The following CD247 variants were observed in gnomAD, a reference collection of about 807,000 sequenced individuals.
CD247 encodes the protein T-cell surface glycoprotein CD3 zeta chain.
CD247 carries 13 observed loss-of-function variants against 30.0 expected under a neutral mutation model. The observed-to-expected ratio is 0.43, with a 90% CI of 0.28 to 0.69. The LOEUF is 0.69. Ranked by LOEUF, CD247 falls within the 30% of genes least tolerant of loss-of-function variation. The pLI is 0.16. For missense variants in CD247, 193 were observed against 212.6 expected (o/e 0.91, Z 0.57); for synonymous variants, 72 against 80.0 (o/e 0.90, Z 0.53).
chr1:167,461,580 T>C (rs1653007379), intron 1 of CD247, among the ~76,000 whole-genome samples: 1 of 152,240 alleles, frequency 6.6e-6, no homozygotes, highest in African/African-American at 2.4e-5. Flanking sequence ...CCGGGCGTGG[T>C]GGCTCACGCC....
At chr1:167,493,037 CTTTTTTTTT>C (rs60850667) in intron 1 of CD247, among the ~76,000 whole-genome samples, 19 of 80,364 alleles carry the variant, frequency 2.4e-4, no homozygotes, top group African/African-American at 8.9e-4. Context: ...AATTTTTCTC[CTTTTTTTTT>C]TTTTTTTTTT....
intron 1 of CD247, among the ~76,000 whole-genome samples, chr1:167,449,149 C>CTTTTTTCTTTTTCTTTTTTTTTTTTTTT (rs1553229954): frequency 1.5e-5 from 1 of 66,420 alleles, no homozygotes; most frequent in African/African-American, 7.5e-5. Flanking sequence ...TTTTTCTTTT[C>CTTTTTTCTTTTTCTTTTTTTTTTTTTTT]TTTTTTTTTT....
In CD247 at chr1:167,461,003, G is replaced by T. The variant is rs147045744; in HGVS notation, c.59-20236C>A. Among the ~76,000 whole-genome samples, 292 of 152,340 alleles carry T rather than the reference G, an allele frequency of 1.9e-3. 3 individuals carry two copies. The Middle Eastern group carries it at 0.034, about 18-fold the overall frequency. ...GCAACCCTTGGTGTGCCCAGCCCACGCGCTGTGAGCATTCGCCTATGACGT... is the reference window on the plus strand; with the variant it reads ...GCAACCCTTGGTGTGCCCAGCCCACTCGCTGTGAGCATTCGCCTATGACGT... On this transcript the variant is annotated intron_variant, in intron 1 of 7. Coordinates refer to ENST00000362089, the MANE Select transcript of CD247 (RefSeq NM_198053.3).
At chr1:167,517,631 A>G (rs965113715) in intron 1 of CD247, among the ~76,000 whole-genome samples, 46 of 152,238 alleles carry the variant, frequency 3.0e-4, no homozygotes, top group African/African-American at 1.1e-3. Context: ...AACCAGGCAC[A>G]TCGTCTCATC....
rs370049151 is a variant in CD247, at chr1:167,490,270, T to C, written c.58+28138A>G. On this transcript the variant is annotated intron_variant, in intron 1 of 7. Coordinates refer to ENST00000362089, the MANE Select transcript of CD247 (RefSeq NM_198053.3). Reference sequence around the variant, plus strand: ...CTTCCCCGTCATCTGACCTCATCTTTCTTAATTTTTCTTCTCTCATTCTTT... The same window carrying C: ...CTTCCCCGTCATCTGACCTCATCTTCCTTAATTTTTCTTCTCTCATTCTTT... Among the ~76,000 whole-genome samples the C allele has an allele frequency of 4.6e-5, 7 of 152,226 alleles. No individual in the cohort carries two copies. The East Asian group carries it at 1.3e-3, about 29-fold the overall frequency.
intron 1 of CD247, among the ~76,000 whole-genome samples, chr1:167,511,139 C>G (rs1655370888): frequency 6.6e-6 from 1 of 152,166 alleles, no homozygotes; most frequent in Non-Finnish European, 1.5e-5. Context: ...TCAAAGATAA[C>G]TCTCCCAGTC....
At chr1:167,516,667 T>C (rs1322801597) in intron 1 of CD247, among the ~76,000 whole-genome samples, 1 of 152,164 alleles carries the variant, frequency 6.6e-6, no homozygotes, top group Non-Finnish European at 1.5e-5. Context: ...TGAAACACTT[T>C]TGTCTATTAG....
rs34462716 is a variant in CD247, at chr1:167,438,545, C to T, written c.300+25G>A. ...GAGCCCCACCACACATGCAGGAACA[C>T]ACAGGAAGGTAGAGGAACCCCTACC... On this transcript the variant is annotated intron_variant, in intron 4 of 7. Transcript: ENST00000362089. 5,308 of 1,592,906 alleles carry T rather than the reference C, an allele frequency of 3.3e-3. 164 individuals are homozygous for T. In the African/African-American group the frequency reaches 0.063, roughly 19 times the overall value.
chr1:167,507,159 T>C (rs1177621222), intron 1 of CD247, among the ~76,000 whole-genome samples: 1 of 152,120 alleles, frequency 6.6e-6, no homozygotes, highest in Non-Finnish European at 1.5e-5. Context: ...CCCTGGGTGA[T>C]CCACCTGCCT....
intron 1 of CD247, among the ~76,000 whole-genome samples, chr1:167,488,780 T>G (rs901669514): frequency 1.3e-5 from 2 of 152,250 alleles, no homozygotes; most frequent in Admixed American, 6.5e-5. Flanking sequence ...TTCTCTCTGA[T>G]GGAGCCCAAC....
chr1:167,506,460 A>T (rs1006816456), intron 1 of CD247, among the ~76,000 whole-genome samples: 2 of 146,996 alleles, frequency 1.4e-5, no homozygotes, highest in African/African-American at 2.5e-5. Context: ...CATTTCTCCC[A>T]CCTCAACCTC....
chr1:167,513,681 C>G (rs1293017840), intron 1 of CD247, among the ~76,000 whole-genome samples: 1 of 152,182 alleles, frequency 6.6e-6, no homozygotes, highest in African/African-American at 2.4e-5. Context: ...CAATCTCCAA[C>G]AGTGTTAGCC....
chr1:167,464,994 C>T (rs1372169989), intron 1 of CD247, among the ~76,000 whole-genome samples: 2 of 151,956 alleles, frequency 1.3e-5, no homozygotes, highest in African/African-American at 4.8e-5. Flanking sequence ...GCTCTTTCTT[C>T]CCCTCTGTCT....
intron 1 of CD247, among the ~76,000 whole-genome samples, chr1:167,509,887 G>C (rs1245558484): frequency 6.6e-6 from 1 of 152,122 alleles, no homozygotes; most frequent in East Asian, 1.9e-4. Flanking sequence ...TACAAAAAAG[G>C]AAAGACCCCA....
intron 7 of CD247, among the ~76,000 whole-genome samples, chr1:167,432,541 G>A (rs1476380056): frequency 6.6e-6 from 1 of 152,208 alleles, no homozygotes; most frequent in Non-Finnish European, 1.5e-5. Context: ...ATAATTGCCT[G>A]CACTGATTTG....
In CD247 at chr1:167,435,423, C is replaced by T; in HGVS notation, c.312G>A (p.Lys104=). The change falls in exon 5 of 8, where the codon AAG becomes AAA. Residue 104 remains lysine (K), a synonymous_variant. Transcript: ENST00000362089. ...CATTGTACAGGCCTTCCTGAGGGTT[C>T]TTCCTTCTCTGCTAGGAAAGACAAC... ...PEMGGKPQRR[K]NPQEGLYNEL... is the part of the protein sequence containing the mutation. The T allele has an allele frequency of 6.2e-7, 1 of 1,612,540 alleles. No individual in the cohort carries two copies. The highest frequency in any genetic ancestry group is 8.5e-7 in the Non-Finnish European group (1 of 1,178,502).
chr1:167,515,231 A>G (rs184982342), intron 1 of CD247, among the ~76,000 whole-genome samples: 6 of 152,352 alleles, frequency 3.9e-5, no homozygotes, highest in African/African-American at 1.4e-4. Flanking sequence ...CCTCCCAGCA[A>G]TTTTAGCAAA....
chr1:167,503,225 T>C (rs1654985055), intron 1 of CD247, among the ~76,000 whole-genome samples: 1 of 152,218 alleles, frequency 6.6e-6, no homozygotes, highest in African/African-American at 2.4e-5. Flanking sequence ...CCTGGGGCAT[T>C]TGTCATCAGG....
intron 1 of CD247, 123 bp from the exon 2 acceptor site, chr1:167,440,890 C>A: frequency 2.8e-6 from 2 of 709,816 alleles, no homozygotes; most frequent in South Asian, 3.0e-5. Context: ...ATATCCAATC[C>A]CCATGCCTCA....
Sources: gnomAD v4.1 joint callset for allele counts (sites outside exome capture counted in the v4.1 genomes callset) on GRCh38, gnomAD v4.1.1 for gene constraint, MANE v1.5 for transcripts, NCBI Gene and HGNC (gene_info 2026-07-23, HGNC 2026-07-21) for gene names.